Variants in ROBO1 observed in about 807,000 individuals in gnomAD.
The protein encoded by ROBO1 is roundabout guidance receptor 1.
A neutral mutation model predicts 195.9 loss-of-function variants in ROBO1; 149 were observed. The observed-to-expected ratio is 0.76, with a 90% CI of 0.67 to 0.87. The LOEUF (loss-of-function observed/expected upper bound fraction) is 0.87. Ranked by LOEUF, ROBO1 falls within the 40% of genes least tolerant of loss-of-function variation. The probability of loss-of-function intolerance (pLI) is 0.00; values close to 1 mark genes in which losing one functional copy is unlikely to be tolerated. For missense variants in ROBO1, 1,933 were observed against 2,068.3 expected, an observed-to-expected ratio of 0.93 and a Z score of 1.27; for synonymous variants, 816 against 733.2, an observed-to-expected ratio of 1.11 and a Z score of -1.82.
At chr3:79,535,752 C>T (rs115202411) in intron 2 of ROBO1, among the ~76,000 whole-genome samples, 1,684 of 145,978 alleles carry the variant, frequency 0.012, 31 homozygotes, top group African/African-American at 0.041. Context: ...TAGGATGTGA[C>T]GACGAGCTGT....
intron 1 of ROBO1, among the ~76,000 whole-genome samples, chr3:79,597,606 A>ACC (rs1944219511): frequency 6.6e-6 from 1 of 152,046 alleles, no homozygotes; most frequent in Non-Finnish European, 1.5e-5. Flanking sequence ...CAAATGCTAT[A>ACC]CCTTTAGTTT....
intron 4 of ROBO1, among the ~76,000 whole-genome samples, chr3:78,883,163 A>G (rs1320750939): frequency 6.6e-6 from 1 of 151,958 alleles, no homozygotes; most frequent in Non-Finnish European, 1.5e-5. Flanking sequence ...GCACTGAGAC[A>G]AGTCGTTGTG....
At chr3:78,618,260 G>A (rs1482466125) in intron 26 of ROBO1, among the ~76,000 whole-genome samples, 1 of 152,106 alleles carries the variant, frequency 6.6e-6, no homozygotes, top group African/African-American at 2.4e-5. Flanking sequence ...TCTGATTCAA[G>A]TTTAATAGAA....
chr3:79,220,023 C>T (rs1413491955), intron 2 of ROBO1, among the ~76,000 whole-genome samples: 1 of 151,758 alleles, frequency 6.6e-6, no homozygotes, highest in Non-Finnish European at 1.5e-5. Context: ...AGAAATGATG[C>T]AACAATTATA....
chr3:78,943,093 G>A (rs2040226853), intron 3 of ROBO1, among the ~76,000 whole-genome samples: 1 of 151,860 alleles, frequency 6.6e-6, no homozygotes, highest in Non-Finnish European at 1.5e-5. Context: ...GCAGGCGCCT[G>A]TAGTCCCAGC....
At chr3:79,548,315 G>A (rs1396782017) in intron 2 of ROBO1, among the ~76,000 whole-genome samples, 1 of 152,190 alleles carries the variant, frequency 6.6e-6, no homozygotes, top group Non-Finnish European at 1.5e-5. Context: ...TTAAACAAAT[G>A]CTATGTTGAG....
intron 2 of ROBO1, among the ~76,000 whole-genome samples, chr3:79,468,266 A>G (rs897586839): frequency 1.3e-5 from 2 of 152,218 alleles, no homozygotes; most frequent in Non-Finnish European, 2.9e-5. Context: ...ATACTATGTG[A>G]GACTTCCTTC....
intron 3 of ROBO1, among the ~76,000 whole-genome samples, chr3:78,953,607 T>C (rs1022320271): frequency 6.6e-6 from 1 of 151,764 alleles, no homozygotes; most frequent in African/African-American, 2.4e-5. Context: ...AAGACACCAG[T>C]AGAAGAAACT....
At chr3:78,809,851 T>C (rs990414546) in intron 4 of ROBO1, among the ~76,000 whole-genome samples, 3 of 151,880 alleles carry the variant, frequency 2.0e-5, no homozygotes, top group African/African-American at 7.3e-5. Flanking sequence ...GGGTGGGAGC[T>C]AGGGGAGGGA....
intron 2 of ROBO1, among the ~76,000 whole-genome samples, chr3:79,345,985 C>G (rs2109244286): frequency 6.6e-6 from 1 of 152,168 alleles, no homozygotes; most frequent in African/African-American, 2.4e-5. Context: ...AACTGGTAAA[C>G]ACACTGAAAT....
chr3:79,043,147 C>T (rs2078519775), intron 3 of ROBO1, among the ~76,000 whole-genome samples: 1 of 152,106 alleles, frequency 6.6e-6, no homozygotes, highest in African/African-American at 2.4e-5. Context: ...CAATAAGAAA[C>T]AGTAGATGCA....
In ROBO1 at chr3:79,023,671, AT is replaced by A. The variant is rs34267931; in HGVS notation, c.173-84745del. ...ACTTCAGGCACTGTAAATAGGGCCA[AT>A]TTTTTTTTTTTTTTTGAGACAGAGT... is the stretch of plus-strand genomic sequence containing the variant. On this transcript the variant is annotated intron_variant, in intron 3 of 30. Coordinates refer to ENST00000464233, the MANE Select transcript of ROBO1 (RefSeq NM_002941.4). 2.8e-3 allele frequency among the ~76,000 whole-genome samples: 319 copies of A among 114,812 alleles called. 5 individuals carry two copies. The highest frequency in any genetic ancestry group is 7.9e-3 in the African/African-American group (244 of 30,872). The allele number at this position is 114,812 out of a possible 152,430, so 75.3% of individuals were successfully genotyped here.
chr3:79,391,179 G>T (rs1277426454), intron 2 of ROBO1, among the ~76,000 whole-genome samples: 1 of 151,058 alleles, frequency 6.6e-6, no homozygotes, highest in Non-Finnish European at 1.5e-5. Flanking sequence ...TGTACTCCCA[G>T]CTACCGAGGA....
chr3:78,910,141 T>C (rs1320520566), intron 4 of ROBO1, among the ~76,000 whole-genome samples: 2 of 151,848 alleles, frequency 1.3e-5, no homozygotes, highest in Non-Finnish European at 2.9e-5. Flanking sequence ...GAACAAATGA[T>C]GGATAATAAT....
chr3:79,115,766 C>G (rs950406925), intron 3 of ROBO1, among the ~76,000 whole-genome samples: 1 of 152,118 alleles, frequency 6.6e-6, no homozygotes, highest in Non-Finnish European at 1.5e-5. Flanking sequence ...TTGGGGTAGA[C>G]GTTCTATGAA....
chr3:79,016,700 C>T (rs1399561393), intron 3 of ROBO1, among the ~76,000 whole-genome samples: 1 of 151,058 alleles, frequency 6.6e-6, no homozygotes, highest in African/African-American at 2.5e-5. Flanking sequence ...AAACTCAACT[C>T]AAACAGTGAC....
At chr3:79,084,676 A>T (rs1446508830) in intron 3 of ROBO1, among the ~76,000 whole-genome samples, 1 of 152,208 alleles carries the variant, frequency 6.6e-6, no homozygotes, top group African/African-American at 2.4e-5. Context: ...GTCAAAATTC[A>T]CATGATTATT....
chr3:79,075,492 A>G (rs561671161), intron 3 of ROBO1, among the ~76,000 whole-genome samples: 6 of 152,088 alleles, frequency 3.9e-5, no homozygotes, highest in African/African-American at 1.4e-4. Flanking sequence ...ACTCAAGTGT[A>G]GGAGGTTTTC....
At chr3:79,395,879 T>C (rs1328409460) in intron 2 of ROBO1, among the ~76,000 whole-genome samples, 1 of 152,070 alleles carries the variant, frequency 6.6e-6, no homozygotes, top group African/African-American at 2.4e-5. Flanking sequence ...TATAAATATA[T>C]TATGATTAAC....
Sources: allele counts gnomAD v4.1 joint callset (sites outside exome capture counted in the v4.1 genomes callset), GRCh38; gene constraint gnomAD v4.1.1; transcripts MANE v1.5; gene names NCBI Gene and HGNC (gene_info 2026-07-23, HGNC 2026-07-21).